The following BLTP1 variants were observed in gnomAD, a reference collection of about 807,000 sequenced individuals.
BLTP1 encodes the protein fragile site-associated protein.
chr4:122,251,429 T>G, the BLTP1 span: 1 of 899,308 alleles, frequency 1.1e-6, no homozygotes, highest in Non-Finnish European at 1.3e-6. Flanking sequence ...CCCAGATTCC[T>G]AGGGATTTAT....
chr4:122,297,304 A>C, the BLTP1 span, among the ~76,000 whole-genome samples: 3 of 152,216 alleles, frequency 2.0e-5, no homozygotes, highest in Non-Finnish European at 4.4e-5. Flanking sequence ...GTATGAAAAA[A>C]GCTCAGCATC....
the BLTP1 span, chr4:122,257,596 T>C: frequency 9.3e-7 from 1 of 1,077,486 alleles, no homozygotes; most frequent in Non-Finnish European, 1.4e-6. Context: ...TTAGATATTA[T>C]GCATCTTTTA....
At chr4:122,304,471 A>G in the BLTP1 span, among the ~76,000 whole-genome samples, 3 of 152,278 alleles carry the variant, frequency 2.0e-5, no homozygotes, top group Non-Finnish European at 4.4e-5. Flanking sequence ...TCAGCCTCCC[A>G]ATGTGGTGAG....
chr4:122,257,430 T>C, the BLTP1 span: 1 of 1,613,958 alleles, frequency 6.2e-7, no homozygotes, highest in Non-Finnish European at 8.5e-7. Flanking sequence ...GGACTTGGAT[T>C]GGACAATGGG....
the BLTP1 span, chr4:122,197,286 CTG>C: frequency 1.4e-5 from 20 of 1,441,448 alleles, no homozygotes; most frequent in African/African-American, 2.3e-4. Context: ...TAAGCTGCAA[CTG>C]TTACTTTTCT....
chr4:122,337,086 T>C, the BLTP1 span: 2 of 1,397,822 alleles, frequency 1.4e-6, no homozygotes, highest in Non-Finnish European at 2.0e-6. Context: ...TATTTGAACA[T>C]TTCAACATTA....
chr4:122,338,761 G>A, the BLTP1 span, among the ~76,000 whole-genome samples: 54 of 152,118 alleles, frequency 3.5e-4, no homozygotes, highest in Admixed American at 1.7e-3. Context: ...CATGTTTGGC[G>A]GAAAAAAATT....
chr4:122,360,688 CTAAA>C, the BLTP1 span, among the ~76,000 whole-genome samples: 4 of 152,094 alleles, frequency 2.6e-5, no homozygotes, highest in East Asian at 1.9e-4. Flanking sequence ...TTTGTTGTAA[CTAAA>C]TAAGCAAAAC....
chr4:122,328,281 A>G, the BLTP1 span: 1 of 1,610,992 alleles, frequency 6.2e-7, no homozygotes, highest in Non-Finnish European at 8.5e-7. Flanking sequence ...TTTGTCTTCT[A>G]CCAGTGAAGA....
chr4:122,327,251 T>C, the BLTP1 span, among the ~76,000 whole-genome samples: 3 of 151,306 alleles, frequency 2.0e-5, no homozygotes, highest in Admixed American at 6.6e-5. Context: ...CCCCCATGCA[T>C]ACCAATATCC....
chr4:122,230,460 G>A, the BLTP1 span, among the ~76,000 whole-genome samples: 1 of 152,154 alleles, frequency 6.6e-6, no homozygotes, highest in Non-Finnish European at 1.5e-5. Flanking sequence ...TCTATACCAT[G>A]TATGCCAACA....
the BLTP1 span, chr4:122,334,530 C>G: frequency 1.2e-6 from 2 of 1,612,552 alleles, no homozygotes; most frequent in Non-Finnish European, 1.7e-6. Flanking sequence ...TCCCCAGCCC[C>G]CACCTATTCC....
At chr4:122,261,194 G>A in the BLTP1 span, 3 of 572,658 alleles carry the variant, frequency 5.2e-6, no homozygotes, top group Non-Finnish European at 6.6e-6. Flanking sequence ...TTAAAAAGAA[G>A]ACTGAACTAT....
chr4:122,165,886 T>G, the BLTP1 span, among the ~76,000 whole-genome samples: 636 of 151,004 alleles, frequency 4.2e-3, 2 homozygotes, highest in African/African-American at 0.014. Flanking sequence ...GAGAAGTGTC[T>G]GTTCATATCC....
chr4:122,225,826 A>G, the BLTP1 span: 3 of 152,204 alleles, frequency 2.0e-5, no homozygotes, highest in African/African-American at 7.2e-5. Context: ...CCCTAAGTAT[A>G]CTAGTAAAAA....
chr4:122,261,712 T>C, the BLTP1 span: 2 of 983,820 alleles, frequency 2.0e-6, no homozygotes, highest in Non-Finnish European at 1.2e-6. Flanking sequence ...TTAGTAAGTA[T>C]GTAAGGGACT....
the BLTP1 span, chr4:122,189,756 T>A: frequency 4.6e-6 from 4 of 876,894 alleles, no homozygotes; most frequent in Non-Finnish European, 5.5e-6. Flanking sequence ...CTTGAAGTAA[T>A]TTACTGATAA....
chr4:122,212,113 A>T, the BLTP1 span: 1 of 979,456 alleles, frequency 1.0e-6, no homozygotes, highest in Non-Finnish European at 1.2e-6. Flanking sequence ...AGGGAAGCAC[A>T]ATCAAGGTTT....
chr4:122,199,258 G>A, the BLTP1 span: 5 of 1,484,174 alleles, frequency 3.4e-6, no homozygotes, highest in Non-Finnish European at 4.5e-6. Context: ...CATTTTTCAA[G>A]GATTCCTTCT....
Sources: gnomAD v4.1 joint callset for allele counts (sites outside exome capture counted in the v4.1 genomes callset) on GRCh38, gnomAD v4.1.1 for gene constraint, MANE v1.5 for transcripts, NCBI Gene and HGNC (gene_info 2026-07-23, HGNC 2026-07-21) for gene names.